CLEC2A: variants seen among roughly 807,000 people sequenced by gnomAD.
The protein encoded by CLEC2A is C-type lectin domain family 2 member A.
CLEC2A carries 19 observed loss-of-function variants against 18.6 expected under a neutral mutation model. That is an observed-to-expected ratio of 1.02 (90% CI 0.71 to 1.50). The LOEUF (loss-of-function observed/expected upper bound fraction) is 1.50, where lower values mean the gene tolerates loss of function less well. Ranked by LOEUF, CLEC2A falls within the 40% of genes most tolerant of loss-of-function variation. The probability of loss-of-function intolerance (pLI) is 0.00; values close to 1 mark genes in which losing one functional copy is unlikely to be tolerated. For synonymous variants in CLEC2A, 74 were observed against 64.0 expected (o/e 1.16, Z -0.75); for missense variants, 190 against 207.9 (o/e 0.91, Z 0.53).
In CLEC2A at chr12:9,913,402, A is replaced by G; in HGVS notation, c.*164T>C. 2 of 1,270,696 alleles carry G rather than the reference A, an allele frequency of 1.6e-6. No individual in the cohort carries two copies. The highest frequency in any genetic ancestry group is 2.1e-6 in the Non-Finnish European group (2 of 963,152). The allele number at this position is 1,270,696 out of a possible 1,614,324, so 78.7% of individuals were successfully genotyped here. On this transcript the variant is annotated 3_prime_UTR_variant, in exon 5 of 5. Transcript: ENST00000455827. The stretch of plus-strand genomic sequence containing the variant: ...CTCCAGAGAACGGCCTTGTCTCTTT[A>G]ACCATGGCAGGGCACAGCAAGAAGT...
At chr12:9,927,433 G>T (rs1225623627) in intron 1 of CLEC2A, among the ~76,000 whole-genome samples, 1 of 152,112 alleles carries the variant, frequency 6.6e-6, no homozygotes, top group Non-Finnish European at 1.5e-5. Context: ...ATGACTATAT[G>T]TGTATATCGT....
chr12:9,919,241 T>C (rs1863122096), intron 3 of CLEC2A, among the ~76,000 whole-genome samples: 1 of 152,194 alleles, frequency 6.6e-6, no homozygotes, highest in African/African-American at 2.4e-5. Flanking sequence ...GAGACCTTAG[T>C]AGTGGTTAAA....
chr12:9,918,010 T>C (rs1863100784), intron 3 of CLEC2A, among the ~76,000 whole-genome samples: 1 of 152,224 alleles, frequency 6.6e-6, no homozygotes, highest in Non-Finnish European at 1.5e-5. Context: ...CTTTGACAGA[T>C]GCATAGCTTG....
At chr12:9,881,931 G>C in the CLEC2A span, among the ~76,000 whole-genome samples, 1 of 151,992 alleles carries the variant, frequency 6.6e-6, no homozygotes, top group African/African-American at 2.4e-5. Context: ...TCGAAGAAAA[G>C]GCTGAAAAAT....
downstream of CLEC2A, chr12:9,895,764 T>C (rs2137007237): frequency 2.0e-6 from 3 of 1,535,876 alleles, no homozygotes; most frequent in African/African-American, 2.7e-5. Context: ...CTGAAGACTG[T>C]AGCTCCACAT....
intron 4 of CLEC2A, among the ~76,000 whole-genome samples, chr12:9,914,356 A>C (rs1256079001): frequency 6.6e-6 from 1 of 152,198 alleles, no homozygotes. Flanking sequence ...GAATTAGAAG[A>C]AAACTACTTT....
chr12:9,888,808 T>C, the CLEC2A span: 2 of 1,383,820 alleles, frequency 1.4e-6, no homozygotes, highest in Non-Finnish European at 2.0e-6. Flanking sequence ...TGTTATGTGC[T>C]ACTCTTAGGG....
chr12:9,916,728 AT>A lies in CLEC2A; in HGVS notation c.381del (p.Lys127AsnfsTer15), dbSNP rs1456153031. On this transcript the variant is annotated frameshift_variant, in exon 4 of 5. Coordinates refer to ENST00000455827, the MANE Select transcript of CLEC2A (RefSeq NM_001130711.2). LOFTEE classifies it low-confidence loss of function (END_TRUNC). Reference protein sequence around the residue: ...GLSRKQGDSWKWTNGTTFNGW... With the variant: ...GLSRKQGDSWXWTNGTTFNGW... ...CCATTGAATGTGGTGCCATTTGTCC[AT>A]TTCCAAGAATCTCCTTGTTTCCTGC... 1 of 1,550,496 alleles carries A rather than the reference AT, an allele frequency of 6.4e-7. No homozygotes were observed. The highest frequency in any genetic ancestry group is 2.4e-5 in the East Asian group (1 of 40,880).
In CLEC2A at chr12:9,932,335, G is replaced by A. The variant is rs1458234559; in HGVS notation, c.-6C>T. 3.2e-6 allele frequency: 5 copies of A among 1,551,778 alleles called. No homozygotes were observed. The highest frequency in any genetic ancestry group is 2.7e-5 in the African/African-American group (2 of 73,030). On this transcript the variant is annotated 5_prime_UTR_variant, in exon 1 of 5. Coordinates refer to ENST00000455827, the MANE Select transcript of CLEC2A (RefSeq NM_001130711.2). Reference sequence around the variant, plus strand: ...CGCAGCTCTGGATTAATCATGGCAAGGCGCTAACCGATGGAGATCAGTAGG... The same window carrying A: ...CGCAGCTCTGGATTAATCATGGCAAAGCGCTAACCGATGGAGATCAGTAGG...
rs1202948431 is a variant in CLEC2A at position 9,924,495 on chromosome 12, A to C, written c.139+1765T>G. ...ATCAAACCAAAACAAAACAAAGAGCAGTGCTACTTAGCCAAATATAAGTGC... is the reference window on the plus strand; with the variant it reads ...ATCAAACCAAAACAAAACAAAGAGCCGTGCTACTTAGCCAAATATAAGTGC... On this transcript the variant is annotated intron_variant, in intron 2 of 4. Transcript: ENST00000455827. 2.0e-5 allele frequency among the ~76,000 whole-genome samples: 3 copies of C among 149,970 alleles called. No homozygotes were observed. The South Asian group carries it at 6.4e-4, about 32-fold the overall frequency.
At chr12:9,879,706 C>T in the CLEC2A span, among the ~76,000 whole-genome samples, 3 of 152,176 alleles carry the variant, frequency 2.0e-5, no homozygotes, top group Non-Finnish European at 4.4e-5. Flanking sequence ...CCAACTGTTC[C>T]TGGTGAAAAG....
the CLEC2A span, chr12:9,893,482 T>C: frequency 1.3e-6 from 2 of 1,523,866 alleles, no homozygotes; most frequent in Non-Finnish European, 1.8e-6. Context: ...TTGGACTATA[T>C]GTTACATTCC....
At chr12:9,882,970 A>G in the CLEC2A span, among the ~76,000 whole-genome samples, 9 of 152,216 alleles carry the variant, frequency 5.9e-5, no homozygotes, top group African/African-American at 7.2e-5. Context: ...TTTTTAATAT[A>G]CAAATGTGTA....
intron 4 of CLEC2A, among the ~76,000 whole-genome samples, chr12:9,905,443 C>T (rs1202441817): frequency 6.6e-6 from 1 of 152,204 alleles, no homozygotes; most frequent in Non-Finnish European, 1.5e-5. Flanking sequence ...AGTCCACGTA[C>T]ATAGCTTTTG....
At chr12:9,914,492 CATGG>C (rs1472995158) in intron 4 of CLEC2A, among the ~76,000 whole-genome samples, 5 of 152,200 alleles carry the variant, frequency 3.3e-5, no homozygotes, top group Admixed American at 6.5e-5. Context: ...ACCAAAACAG[CATGG>C]TACTGGTACC....
the CLEC2A span, among the ~76,000 whole-genome samples, chr12:9,884,281 T>C: frequency 0.02 from 3,042 of 152,086 alleles, 51 homozygotes; most frequent in Middle Eastern, 0.045. Context: ...TACTATAGCA[T>C]AGATGTCATA....
At chr12:9,902,815 C>A (rs1311673588) in intron 4 of CLEC2A, among the ~76,000 whole-genome samples, 1 of 152,162 alleles carries the variant, frequency 6.6e-6, no homozygotes, top group Non-Finnish European at 1.5e-5. Flanking sequence ...ATTCCTAATG[C>A]AGTCCCTGCT....
intron 3 of CLEC2A, among the ~76,000 whole-genome samples, chr12:9,918,143 G>A (rs887736608): frequency 6.6e-6 from 1 of 151,704 alleles, no homozygotes; most frequent in Non-Finnish European, 1.5e-5. Flanking sequence ...TTTTACTATT[G>A]CTTTTGTTGT....
At chr12:9,895,200 T>C (rs910746820), downstream of CLEC2A, among the ~76,000 whole-genome samples, 34 of 152,234 alleles carry the variant, frequency 2.2e-4, no homozygotes, top group African/African-American at 8.0e-4. Context: ...CCTATCACTA[T>C]GTAGTTTCTA....
Sources: gnomAD v4.1 joint callset for allele counts (sites outside exome capture counted in the v4.1 genomes callset) on GRCh38, gnomAD v4.1.1 for gene constraint, MANE v1.5 for transcripts, NCBI Gene and HGNC (gene_info 2026-07-23, HGNC 2026-07-21) for gene names.